NFATC2: variants seen among roughly 807,000 people sequenced by gnomAD.
NFATC2 encodes nuclear factor of activated T-cells, cytoplasmic 2.
Under a neutral mutation model 87.3 loss-of-function variants are expected in NFATC2, and 22 were observed. That is an observed-to-expected ratio of 0.25 (90% CI 0.18 to 0.36). The LOEUF is 0.36. Ranked by LOEUF, NFATC2 falls within the 10% of genes least tolerant of loss-of-function variation. The pLI, the probability that NFATC2 is intolerant of heterozygous loss-of-function variation, is 1.00. For missense variants in NFATC2, 1,149 were observed against 1,259.1 expected, an observed-to-expected ratio of 0.91 and a Z score of 1.32; for synonymous variants, 565 against 542.2, an observed-to-expected ratio of 1.04 and a Z score of -0.58.
intron 1 of NFATC2, among the ~76,000 whole-genome samples, chr20:51,530,573 C>T (rs982174410): frequency 1.3e-5 from 2 of 152,162 alleles, no homozygotes; most frequent in Non-Finnish European, 2.9e-5. Context: ...ATCCATTTCA[C>T]CTACCATGGG....
At chr20:51,522,041 G>C (rs1007194884) in intron 2 of NFATC2, among the ~76,000 whole-genome samples, 2 of 152,176 alleles carry the variant, frequency 1.3e-5, no homozygotes, top group Non-Finnish European at 2.9e-5. Context: ...ATCATCTAGA[G>C]ATGATGTAAT....
At chr20:51,475,998 G>A (rs991044115) in intron 3 of NFATC2, among the ~76,000 whole-genome samples, 1 of 151,992 alleles carries the variant, frequency 6.6e-6, no homozygotes, top group Non-Finnish European at 1.5e-5. Flanking sequence ...GAAATTAACT[G>A]CAAATAAACT....
chr20:51,523,027 A>G lies in NFATC2; in HGVS notation c.1160+54T>C, dbSNP rs933191180. 6.2e-7 allele frequency: 1 copy of G among 1,606,350 alleles called. No individual in the cohort carries two copies. Among genetic ancestry groups the G allele is most frequent in the African/African-American group, 1.3e-5 (1 of 74,740 alleles). On this transcript the variant is annotated intron_variant, in intron 2 of 10. Coordinates refer to ENST00000371564, the MANE Select transcript of NFATC2 (RefSeq NM_012340.5). The surrounding 1 kb of genome is among the most constrained non-coding windows in gnomAD (Gnocchi z 6.9). ...CTGAATCCCATGCTCATAACCAGAA[A>G]ACCATCTCTTAAAACTAAACCACAG...
rs956012271 is a variant in NFATC2 at position 51,389,910 on chromosome 20, A to T, written c.*1586T>A. 1.3e-5 allele frequency: 2 copies of T among 152,220 alleles called. No homozygotes were observed. The highest frequency in any genetic ancestry group is 4.8e-5 in the African/African-American group (2 of 41,456). The allele number at this position is 152,220 out of a possible 1,614,324, so 9.4% of individuals were successfully genotyped here. A position where few individuals can be genotyped will look rare whatever the true frequency, so the allele number is the denominator to read the frequency against. On this transcript the variant is annotated 3_prime_UTR_variant, in exon 11 of 11. Coordinates refer to ENST00000371564, the MANE Select transcript of NFATC2 (RefSeq NM_012340.5). ...ACACTCTAAGTACAGTCTGAGTGCTAAGAATATTTTCACTTTGCTGCGGAT... is the reference window on the plus strand; with the variant it reads ...ACACTCTAAGTACAGTCTGAGTGCTTAGAATATTTTCACTTTGCTGCGGAT...
upstream of NFATC2, among the ~76,000 whole-genome samples, chr20:51,544,790 A>G (rs547115140): frequency 1.8e-4 from 28 of 152,324 alleles, no homozygotes; most frequent in South Asian, 1.0e-3. Context: ...AGTATTTTGT[A>G]AAAGCTCACC....
At chr20:51,555,226 C>T (rs774005456) in intron 1 of NFATC2, among the ~76,000 whole-genome samples, 4 of 152,194 alleles carry the variant, frequency 2.6e-5, no homozygotes, top group African/African-American at 4.8e-5. Flanking sequence ...ATTCATTAGA[C>T]CACATACCAC....
chr20:51,551,844 G>C (rs536455330), intron 1 of NFATC2, among the ~76,000 whole-genome samples: 1 of 151,266 alleles, frequency 6.6e-6, no homozygotes, highest in Non-Finnish European at 1.5e-5. Context: ...TGGCTAACAT[G>C]GTGAAACCCA....
chr20:51,443,025 C>T (rs1471036730), intron 6 of NFATC2, among the ~76,000 whole-genome samples: 1 of 152,184 alleles, frequency 6.6e-6, no homozygotes, highest in East Asian at 1.9e-4. Context: ...TTCCATTAGA[C>T]ACACTGGCCT....
chr20:51,464,967 T>C (rs1987530016), intron 5 of NFATC2, among the ~76,000 whole-genome samples: 1 of 152,232 alleles, frequency 6.6e-6, no homozygotes, highest in Non-Finnish European at 1.5e-5. Flanking sequence ...CAGCAGATGA[T>C]TAATAACTTC....
At chr20:51,418,540 G>C (rs1980366976) in intron 9 of NFATC2, among the ~76,000 whole-genome samples, 1 of 152,158 alleles carries the variant, frequency 6.6e-6, no homozygotes, top group African/African-American at 2.4e-5. Flanking sequence ...AAAATGTTTT[G>C]AGATTCCTGG....
Position 51,433,741 on chromosome 20 carries a change from G to A in NFATC2, c.2033-985C>T, listed in dbSNP as rs529411597. Among the ~76,000 whole-genome samples the A allele has an allele frequency of 3.1e-3, 450 of 146,886 alleles. 1 individual carries two copies. Among genetic ancestry groups the A allele is most frequent in the African/African-American group, 0.011 (415 of 38,458 alleles). Reference sequence around the variant, plus strand: ...TGTGTGCATGTGTGTGTGCGCATGCGTGTGTGTTCATGCATGCATGTGTGT... The same window carrying A: ...TGTGTGCATGTGTGTGTGCGCATGCATGTGTGTTCATGCATGCATGTGTGT... On this transcript the variant is annotated intron_variant, in intron 8 of 10. Coordinates refer to ENST00000371564, the MANE Select transcript of NFATC2 (RefSeq NM_012340.5).
chr20:51,407,826 A>C (rs572064613), intron 9 of NFATC2, among the ~76,000 whole-genome samples: 2 of 152,126 alleles, frequency 1.3e-5, no homozygotes, highest in South Asian at 4.1e-4. Context: ...CAACTTAAAG[A>C]AGGAGAAATT....
intron 3 of NFATC2, among the ~76,000 whole-genome samples, chr20:51,485,092 G>A (rs1361830677): frequency 1.3e-5 from 2 of 152,202 alleles, no homozygotes; most frequent in Admixed American, 1.3e-4. Context: ...GCTCACTCAA[G>A]AGAGACTTGA....
chr20:51,538,618 T>G (rs1438128441), intron 1 of NFATC2, among the ~76,000 whole-genome samples: 1 of 152,232 alleles, frequency 6.6e-6, no homozygotes, highest in African/African-American at 2.4e-5. Flanking sequence ...GTTGTGACCC[T>G]AGGATCTAAC....
intron 3 of NFATC2, among the ~76,000 whole-genome samples, chr20:51,502,476 C>T (rs2076105169): frequency 6.6e-6 from 1 of 152,144 alleles, no homozygotes; most frequent in Non-Finnish European, 1.5e-5. Flanking sequence ...AGGCATGTTC[C>T]ACTGCGCCCA....
chr20:51,474,919 C>G (rs1345612056), intron 4 of NFATC2, among the ~76,000 whole-genome samples: 1 of 151,818 alleles, frequency 6.6e-6, no homozygotes, highest in East Asian at 1.9e-4. Context: ...CAAATATTCA[C>G]GAGTTCTTCC....
chr20:51,461,309 G>A (rs912282584), intron 5 of NFATC2, among the ~76,000 whole-genome samples: 3 of 152,118 alleles, frequency 2.0e-5, no homozygotes, highest in Non-Finnish European at 4.4e-5. Flanking sequence ...TGAGACTGCA[G>A]ACAATCCAAA....
rs1185268149 is a variant in NFATC2, at chr20:51,485,571, T to C, written c.1333-9911A>G. ...AGAAGCCATACAAGTGCTTTTCACATCTTCTGTCTATATTCCTCTTGCGCA... is the reference window on the plus strand; with the variant it reads ...AGAAGCCATACAAGTGCTTTTCACACCTTCTGTCTATATTCCTCTTGCGCA... On this transcript the variant is annotated intron_variant, in intron 3 of 10. Transcript: ENST00000371564. Among the ~76,000 whole-genome samples the C allele has an allele frequency of 1.3e-5, 2 of 152,080 alleles. 1 individual carries two copies. The highest frequency in any genetic ancestry group is 6.8e-3 in the Middle Eastern group (2 of 294).
chr20:51,561,120 G>T (rs566128179), intron 1 of NFATC2, among the ~76,000 whole-genome samples: 3 of 143,420 alleles, frequency 2.1e-5, no homozygotes, highest in African/African-American at 2.6e-5. Flanking sequence ...CAGATGATAC[G>T]ATATCAGTAA....
Sources: allele counts gnomAD v4.1 joint callset (sites outside exome capture counted in the v4.1 genomes callset), GRCh38; gene constraint gnomAD v4.1.1; non-coding constraint Gnocchi (gnomAD v3.1); transcripts MANE v1.5; gene names NCBI Gene and HGNC (gene_info 2026-07-23, HGNC 2026-07-21).